Variants in PLCB4 observed in about 807,000 individuals in gnomAD.
The protein encoded by PLCB4 is phospholipase C beta 4.
A neutral mutation model predicts 178.8 loss-of-function variants in PLCB4; 77 were observed. That is an observed-to-expected ratio of 0.43 (90% CI 0.36 to 0.52). The LOEUF (loss-of-function observed/expected upper bound fraction) is 0.52, where lower values mean the gene tolerates loss of function less well. Among genes scored for constraint, PLCB4 ranks in the 20% least tolerant of loss-of-function variants. PLCB4 has a pLI of 0.00. For missense variants in PLCB4, 1,024 were observed against 1,453.4 expected (o/e 0.70, Z 4.80); for synonymous variants, 496 against 490.8 (o/e 1.01, Z -0.14).
intron 2 of PLCB4, among the ~76,000 whole-genome samples, chr20:9,148,729 A>G (rs2146914542): frequency 6.6e-6 from 1 of 152,310 alleles, no homozygotes; most frequent in Non-Finnish European, 1.5e-5. Flanking sequence ...CTACATAAGT[A>G]AAATTTTGAT....
At chr20:9,380,573 T>C (rs1182165334) in intron 13 of PLCB4, among the ~76,000 whole-genome samples, 1 of 152,178 alleles carries the variant, frequency 6.6e-6, no homozygotes, top group Non-Finnish European at 1.5e-5. Flanking sequence ...TAATACGTGA[T>C]TTGATGTGCA....
intron 14 of PLCB4, among the ~76,000 whole-genome samples, chr20:9,384,728 T>A (rs2037430454): frequency 6.6e-6 from 1 of 151,392 alleles, no homozygotes; most frequent in Non-Finnish European, 1.5e-5. Context: ...TATAGGTACT[T>A]GTTACTAGCA....
intron 35 of PLCB4, among the ~76,000 whole-genome samples, chr20:9,465,241 T>C (rs1310065559): frequency 6.6e-6 from 1 of 152,214 alleles, no homozygotes; most frequent in Non-Finnish European, 1.5e-5. Context: ...CAGGCCTTCA[T>C]GCTAAAAACT....
intron 29 of PLCB4, among the ~76,000 whole-genome samples, chr20:9,435,933 A>C (rs1257763212): frequency 1.3e-5 from 2 of 152,218 alleles, no homozygotes; most frequent in Admixed American, 1.3e-4. Flanking sequence ...CTTTTGGGAA[A>C]GTTTAAAATG....
At chr20:9,409,772 T>C (rs547413338) in intron 24 of PLCB4, among the ~76,000 whole-genome samples, 1 of 152,278 alleles carries the variant, frequency 6.6e-6, no homozygotes, top group African/African-American at 2.4e-5. Flanking sequence ...TTTTTTTTTC[T>C]GGAAGGAAAA....
chr20:9,297,551 G>C (rs1445011581), intron 3 of PLCB4, among the ~76,000 whole-genome samples: 1 of 152,052 alleles, frequency 6.6e-6, no homozygotes, highest in East Asian at 1.9e-4. Flanking sequence ...ACTATCTTCT[G>C]TTTCTGAAAG....
intron 4 of PLCB4, 147 bp from the exon 5 acceptor site, chr20:9,336,979 T>C: frequency 3.3e-6 from 2 of 600,366 alleles, no homozygotes; most frequent in South Asian, 2.1e-5. Flanking sequence ...GTTTTCAAAA[T>C]GAAAACATTC....
At chr20:9,253,648 A>G (rs1053036933) in intron 3 of PLCB4, among the ~76,000 whole-genome samples, 3 of 152,098 alleles carry the variant, frequency 2.0e-5, no homozygotes, top group Non-Finnish European at 4.4e-5. Context: ...TTTGTTGATG[A>G]TAAGCTCAAA....
intron 1 of PLCB4, among the ~76,000 whole-genome samples, chr20:9,072,816 G>A (rs183889325): frequency 1.7e-4 from 26 of 152,290 alleles, no homozygotes; most frequent in Admixed American, 1.6e-3. Context: ...TCCAGGGAAT[G>A]AATGACCAGC....
intron 3 of PLCB4, among the ~76,000 whole-genome samples, chr20:9,293,072 C>T (rs1227614265): frequency 6.7e-6 from 1 of 148,994 alleles, no homozygotes; most frequent in Non-Finnish European, 1.5e-5. Context: ...GAGTGAGATT[C>T]AAGAAAGAAA....
chr20:9,443,008 T>C (rs1428427560), intron 30 of PLCB4, among the ~76,000 whole-genome samples: 2 of 152,310 alleles, frequency 1.3e-5, no homozygotes, highest in East Asian at 3.9e-4. Flanking sequence ...TCATTTTGTT[T>C]GCCTAAGATG....
intron 2 of PLCB4, among the ~76,000 whole-genome samples, chr20:9,191,006 A>G (rs544050225): frequency 2.0e-5 from 3 of 152,310 alleles, no homozygotes; most frequent in South Asian, 2.1e-4. Context: ...AAGTAATAGT[A>G]TAGTATTTTA....
chr20:9,436,859 T>C (rs1602702106), intron 29 of PLCB4, 143 bp from the exon 30 acceptor site: 2 of 717,348 alleles, frequency 2.8e-6, no homozygotes, highest in East Asian at 5.4e-5. Flanking sequence ...CTTCTTTCCT[T>C]GGCTGGATCC....
chr20:9,271,609 C>T (rs1408939093), intron 3 of PLCB4, among the ~76,000 whole-genome samples: 1 of 152,088 alleles, frequency 6.6e-6, no homozygotes, highest in African/African-American at 2.4e-5. Context: ...GTCCAGATTA[C>T]TTATCCCTGT....
rs538565012 is a variant in PLCB4 at position 9,460,376 on chromosome 20, C to G, written c.3248+566C>G. The stretch of plus-strand genomic sequence containing the variant: ...GAGATAAAGACCAATCAGTTCAGCT[C>G]CTAGAGTGACCAGGTTCTGATCATT... On this transcript the variant is annotated intron_variant, in intron 35 of 39. Transcript: ENST00000378473. 1.1e-4 allele frequency among the ~76,000 whole-genome samples: 16 copies of G among 152,178 alleles called. No individual in the cohort carries two copies. The East Asian group carries it at 2.9e-3, about 28-fold the overall frequency.
At chr20:9,103,740 A>G (rs552742024) in intron 2 of PLCB4, among the ~76,000 whole-genome samples, 44 of 152,292 alleles carry the variant, frequency 2.9e-4, no homozygotes, top group African/African-American at 1.0e-3. Context: ...TTGTACTAGA[A>G]AATCCCTTTC....
intron 1 of PLCB4, among the ~76,000 whole-genome samples, chr20:9,080,367 C>T (rs1236584788): frequency 6.6e-6 from 1 of 152,062 alleles, no homozygotes; most frequent in Non-Finnish European, 1.5e-5. Context: ...TTTCTTCTTA[C>T]CTCCAAATTG....
intron 3 of PLCB4, among the ~76,000 whole-genome samples, chr20:9,306,297 G>A (rs2094764797): frequency 6.6e-6 from 1 of 152,054 alleles, no homozygotes; most frequent in Non-Finnish European, 1.5e-5. Context: ...AGTAGAGATG[G>A]GGTTTCGCCA....
intron 7 of PLCB4, among the ~76,000 whole-genome samples, chr20:9,361,070 G>A (rs973031701): frequency 9.2e-5 from 14 of 152,120 alleles, no homozygotes; most frequent in Admixed American, 3.3e-4. Context: ...GTCCTTTGTT[G>A]GTGGGGGAAA....
Sources: allele counts gnomAD v4.1 joint callset (sites outside exome capture counted in the v4.1 genomes callset), GRCh38; gene constraint gnomAD v4.1.1; transcripts MANE v1.5; gene names NCBI Gene and HGNC (gene_info 2026-07-23, HGNC 2026-07-21).